Variants in SLC25A12 observed in about 807,000 individuals in gnomAD.
SLC25A12 encodes the protein electrogenic aspartate/glutamate antiporter SLC25A12, mitochondrial.
SLC25A12 carries 32 observed loss-of-function variants against 83.3 expected under a neutral mutation model. The observed-to-expected ratio is 0.38, with a 90% CI of 0.29 to 0.52. The LOEUF is 0.52. Ranked by LOEUF, SLC25A12 falls within the 20% of genes least tolerant of loss-of-function variation. The probability of loss-of-function intolerance (pLI) is 0.84; values close to 1 mark genes in which losing one functional copy is unlikely to be tolerated. For synonymous variants in SLC25A12, 267 were observed against 291.1 expected, an observed-to-expected ratio of 0.92 and a Z score of 0.84; for missense variants, 611 against 835.6, an observed-to-expected ratio of 0.73 and a Z score of 3.31.
intron 4 of SLC25A12, among the ~76,000 whole-genome samples, chr2:171,853,731 C>T (rs1021857528): frequency 1.3e-5 from 2 of 151,624 alleles, no homozygotes; most frequent in Non-Finnish European, 2.9e-5. Flanking sequence ...CTTTCATTTA[C>T]ATTAAATAAG....
intron 9 of SLC25A12, among the ~76,000 whole-genome samples, chr2:171,824,711 CAT>C (rs1684262669): frequency 6.6e-6 from 1 of 151,856 alleles, no homozygotes; most frequent in African/African-American, 2.4e-5. Flanking sequence ...TTTTATTAAA[CAT>C]AATTTTATAA....
chr2:171,785,003 A>C lies in SLC25A12; in HGVS notation c.*271T>G. 2.4e-6 allele frequency: 1 copy of C among 416,190 alleles called. No individual in the cohort carries two copies. The highest frequency in any genetic ancestry group is 5.3e-5 in the East Asian group (1 of 19,042). 25.8% of individuals were successfully genotyped at this position (416,190 alleles called of 1,614,324 possible). ...CAATATGTACAATCACTGTAAGTGC[A>C]AGCTGTGCAAAGCAGAGTCTAGAAC... On this transcript the variant is annotated 3_prime_UTR_variant, in exon 18 of 18. Coordinates refer to ENST00000422440, the MANE Select transcript of SLC25A12 (RefSeq NM_003705.5).
intron 3 of SLC25A12, among the ~76,000 whole-genome samples, chr2:171,856,294 T>C (rs992005457): frequency 2.0e-5 from 3 of 152,174 alleles, no homozygotes; most frequent in Non-Finnish European, 4.4e-5. Flanking sequence ...TTCTTTGTTG[T>C]GGGGGTTTCC....
chr2:171,823,753 G>A (rs527797656), intron 9 of SLC25A12, among the ~76,000 whole-genome samples: 1 of 152,250 alleles, frequency 6.6e-6, no homozygotes, highest in African/African-American at 2.4e-5. Context: ...AAGCTTAGGA[G>A]TTTGAGACCA....
chr2:171,839,548 T>C (rs886370167), intron 5 of SLC25A12, among the ~76,000 whole-genome samples: 5 of 151,814 alleles, frequency 3.3e-5, no homozygotes, highest in African/African-American at 4.8e-5. Context: ...TGGATGAGAG[T>C]GAACTTGTAC....
intron 14 of SLC25A12, 99 bp downstream of exon 14, chr2:171,793,528 C>T: frequency 8.0e-7 from 1 of 1,245,082 alleles, no homozygotes; most frequent in Non-Finnish European, 1.2e-6. Context: ...CCACAGACTA[C>T]CCTGCTGGAC....
At chr2:171,855,729 G>A (rs1460149474) in intron 4 of SLC25A12, 105 bp downstream of exon 4, 1 of 781,048 alleles carries the variant, frequency 1.3e-6, no homozygotes, top group African/African-American at 1.7e-5. Flanking sequence ...TCAATTATGG[G>A]TCAGATCCCA....
intron 5 of SLC25A12, 137 bp downstream of exon 5, chr2:171,844,232 C>A: frequency 3.6e-6 from 3 of 834,476 alleles, no homozygotes; most frequent in East Asian, 2.6e-5. Flanking sequence ...GAAGTTGTCT[C>A]TGGCGAGGGG....
chr2:171,891,586 G>A (rs899153653), intron 2 of SLC25A12, among the ~76,000 whole-genome samples: 7 of 152,172 alleles, frequency 4.6e-5, no homozygotes, highest in African/African-American at 1.7e-4. Context: ...TTCCTAGGCA[G>A]TACTCAGATA....
At chr2:171,831,239 G>A (rs1684424524) in intron 8 of SLC25A12, among the ~76,000 whole-genome samples, 2 of 152,196 alleles carry the variant, frequency 1.3e-5, no homozygotes, top group South Asian at 4.1e-4. Flanking sequence ...AACAGAAGGT[G>A]CCACAGACCC....
At chr2:171,805,766 C>T (rs1355979523) in intron 13 of SLC25A12, among the ~76,000 whole-genome samples, 2 of 152,174 alleles carry the variant, frequency 1.3e-5, no homozygotes, top group African/African-American at 4.8e-5. Flanking sequence ...CATGGATGCT[C>T]ATTTTATTAT....
At chr2:171,824,709 A>AATT (rs1400235287) in intron 9 of SLC25A12, among the ~76,000 whole-genome samples, 140 of 152,168 alleles carry the variant, frequency 9.2e-4, no homozygotes, top group Admixed American at 7.1e-3. Flanking sequence ...CCTTTTATTA[A>AATT]ACATAATTTT....
At chr2:171,878,888 C>A (rs764206367) in intron 2 of SLC25A12, among the ~76,000 whole-genome samples, 1 of 152,136 alleles carries the variant, frequency 6.6e-6, no homozygotes, top group Non-Finnish European at 1.5e-5. Context: ...TTACTTCCAA[C>A]AGAAGCCAAA....
Position 171,785,110 on chromosome 2 carries a change from C to A in SLC25A12, c.*164G>T. The A allele has an allele frequency of 1.5e-6, 1 of 678,408 alleles. No individual in the cohort carries two copies. Among genetic ancestry groups the A allele is most frequent in the Non-Finnish European group, 2.6e-6 (1 of 388,950 alleles). The allele number at this position is 678,408 out of a possible 1,614,324, so 42.0% of individuals were successfully genotyped here. ...ACAGCGTTGTGGTTTTTTCCCTGGG[C>A]AAATGATTATTTTATAAACAAGTAT... On this transcript the variant is annotated 3_prime_UTR_variant, in exon 18 of 18. Transcript: ENST00000422440.
intron 7 of SLC25A12, 99 bp downstream of exon 7, chr2:171,834,628 G>C: frequency 7.5e-7 from 1 of 1,339,288 alleles, no homozygotes; most frequent in Non-Finnish European, 1.1e-6. Flanking sequence ...ATACTTTCTA[G>C]ATCTGGCTTT....
intron 5 of SLC25A12, among the ~76,000 whole-genome samples, chr2:171,843,189 T>C (rs555180553): frequency 6.6e-6 from 1 of 152,274 alleles, no homozygotes; most frequent in South Asian, 2.1e-4. Context: ...AAAAGAAAGC[T>C]CCTGGAGAGC....
At chr2:171,854,504 T>G (rs1224688032) in intron 4 of SLC25A12, among the ~76,000 whole-genome samples, 2 of 151,904 alleles carry the variant, frequency 1.3e-5, no homozygotes, top group African/African-American at 4.8e-5. Flanking sequence ...GAGGCAGGGG[T>G]TGCCGTGAGC....
intron 15 of SLC25A12, among the ~76,000 whole-genome samples, chr2:171,789,292 A>G (rs901709013): frequency 6.6e-6 from 1 of 152,024 alleles, no homozygotes; most frequent in African/African-American, 2.4e-5. Context: ...GCAGTGGCAC[A>G]ATCTCGGCTC....
chr2:171,815,067 G>T, intron 10 of SLC25A12, 54 bp downstream of exon 10: 1 of 1,404,616 alleles, frequency 7.1e-7, no homozygotes, highest in South Asian at 1.2e-5. Context: ...TCAGTCTGGT[G>T]AGATAATATT....
Sources: allele counts gnomAD v4.1 joint callset (sites outside exome capture counted in the v4.1 genomes callset), GRCh38; gene constraint gnomAD v4.1.1; transcripts MANE v1.5; gene names NCBI Gene and HGNC (gene_info 2026-07-23, HGNC 2026-07-21).